The following ADAMTS19 variants were observed in gnomAD, a reference collection of about 807,000 sequenced individuals.
ADAMTS19 encodes A disintegrin and metalloproteinase with thrombospondin motifs 19.
A neutral mutation model predicts 153.3 loss-of-function variants in ADAMTS19; 93 were observed. That is an observed-to-expected ratio of 0.61 (90% CI 0.51 to 0.72). The LOEUF (loss-of-function observed/expected upper bound fraction) is 0.72, where lower values mean the gene tolerates loss of function less well. ADAMTS19 is among the 30% of genes least tolerant of loss of function. ADAMTS19 has a pLI of 0.00. For synonymous variants in ADAMTS19, 600 were observed against 556.6 expected (o/e 1.08, Z -1.10); for missense variants, 1,482 against 1,552.1 (o/e 0.95, Z 0.76).
chr5:129,527,849 T>A lies in ADAMTS19; in HGVS notation c.1170+18T>A. On this transcript the variant is annotated intron_variant, in intron 5 of 22. Coordinates refer to ENST00000274487, the MANE Select transcript of ADAMTS19 (RefSeq NM_133638.6). ...AAACTCCAGTAAGAAAGTCTTGAGT[T>A]TTTTATTAAATTAAATGGGGGAGAA... 1.3e-6 allele frequency: 2 copies of A among 1,509,248 alleles called. No individual in the cohort carries two copies. The highest frequency in any genetic ancestry group is 1.8e-6 in the Non-Finnish European group (2 of 1,095,140). 93.5% of individuals were successfully genotyped at this position (1,509,248 alleles called of 1,614,324 possible).
chr5:129,673,656 T>C (rs1403889415), intron 16 of ADAMTS19, among the ~76,000 whole-genome samples: 1 of 152,134 alleles, frequency 6.6e-6, no homozygotes, highest in Non-Finnish European at 1.5e-5. Context: ...TTTTATTTGG[T>C]TCTAGTCTTC....
At chr5:129,714,440 A>AAAAGAAAAAAAG (rs1756631072) in intron 21 of ADAMTS19, among the ~76,000 whole-genome samples, 1 of 149,122 alleles carries the variant, frequency 6.7e-6, no homozygotes, top group African/African-American at 2.5e-5. Flanking sequence ...AAAAAAAAAA[A>AAAAGAAAAAAAG]AAAGAAAAAT....
intron 18 of ADAMTS19, among the ~76,000 whole-genome samples, chr5:129,692,466 C>G (rs1287711248): frequency 1.3e-5 from 2 of 152,120 alleles, no homozygotes; most frequent in African/African-American, 4.8e-5. Context: ...CTTGACCTAC[C>G]AAGGAATAGC....
rs116066538 is a variant in ADAMTS19 at position 129,475,494 on chromosome 5, A to G, written c.747+13737A>G. On this transcript the variant is annotated intron_variant, in intron 2 of 22. Transcript: ENST00000274487. The stretch of plus-strand genomic sequence containing the variant: ...TTATGTAGCTTATAATATTTTTTGA[A>G]TTTGGGAAATTTAAGTCCTTTAATT... 3.6e-3 allele frequency among the ~76,000 whole-genome samples: 542 copies of G among 152,192 alleles called. 1 individual carries two copies. The highest frequency in any genetic ancestry group is 4.6e-3 in the Non-Finnish European group (313 of 67,996).
At chr5:129,730,780 A>T (rs1757407437) in intron 21 of ADAMTS19, among the ~76,000 whole-genome samples, 1 of 152,154 alleles carries the variant, frequency 6.6e-6, no homozygotes, top group Non-Finnish European at 1.5e-5. Flanking sequence ...CATTGTCTTT[A>T]AAGAAAAATC....
At chr5:129,504,872 G>GACACACACACAC (rs34742030) in intron 2 of ADAMTS19, among the ~76,000 whole-genome samples, 5,759 of 148,166 alleles carry the variant, frequency 0.039, 180 homozygotes, top group East Asian at 0.18. Flanking sequence ...CACACACACA[G>GACACACACACAC]ACACACACAC....
At chr5:129,661,954 CAG>C (rs1469621273) in intron 15 of ADAMTS19, among the ~76,000 whole-genome samples, 2 of 152,070 alleles carry the variant, frequency 1.3e-5, no homozygotes, top group Admixed American at 6.5e-5. Context: ...AGGAAGTGAA[CAG>C]GAGAAACAGA....
chr5:129,610,561 T>C (rs1291013244), intron 8 of ADAMTS19, among the ~76,000 whole-genome samples: 1 of 152,136 alleles, frequency 6.6e-6, no homozygotes, highest in African/African-American at 2.4e-5. Context: ...GTCCTTGCGA[T>C]AGTTTGCTGA....
rs150070535 is a variant in ADAMTS19, at chr5:129,497,773, T to C, written c.748-11304T>C. Among the ~76,000 whole-genome samples, 292 of 152,186 alleles carry C rather than the reference T, an allele frequency of 1.9e-3. 2 individuals are homozygous for C. Among genetic ancestry groups the C allele is most frequent in the African/African-American group, 6.2e-3 (257 of 41,556 alleles). On this transcript the variant is annotated intron_variant, in intron 2 of 22. Transcript: ENST00000274487. ...CAAAATAAATGTCAGATCTGTTTACTTTTTTCCACATCCTTAGTCCAGTCA... is the reference window on the plus strand; with the variant it reads ...CAAAATAAATGTCAGATCTGTTTACCTTTTTCCACATCCTTAGTCCAGTCA...
Position 129,704,222 on chromosome 5 carries a change from C to G in ADAMTS19, c.3160-17C>G. On this transcript the variant is annotated splice_polypyrimidine_tract_variant and intron_variant, in intron 20 of 22. Coordinates refer to ENST00000274487, the MANE Select transcript of ADAMTS19 (RefSeq NM_133638.6). The stretch of plus-strand genomic sequence containing the variant: ...AATTCACCAACTTTATCTAAAACCT[C>G]TGATGTTATCTTCCAGTGTTCAGTC... 3 of 1,608,474 alleles carry G rather than the reference C, an allele frequency of 1.9e-6. No homozygotes were observed. The highest frequency in any genetic ancestry group is 2.2e-5 in the East Asian group (1 of 44,772).
chr5:129,493,922 A>G (rs1025412419), intron 2 of ADAMTS19, among the ~76,000 whole-genome samples: 2 of 151,912 alleles, frequency 1.3e-5, no homozygotes, highest in African/African-American at 4.8e-5. Context: ...CATATTGTCT[A>G]TTTCATAAGA....
intron 3 of ADAMTS19, among the ~76,000 whole-genome samples, chr5:129,511,177 T>C (rs1252972472): frequency 6.6e-6 from 1 of 151,882 alleles, no homozygotes; most frequent in African/African-American, 2.4e-5. Flanking sequence ...CTCTGGAAAA[T>C]GAGATTATTA....
intron 16 of ADAMTS19, among the ~76,000 whole-genome samples, chr5:129,678,474 A>G (rs1370788283): frequency 6.6e-6 from 1 of 152,070 alleles, no homozygotes; most frequent in African/African-American, 2.4e-5. Context: ...GAGAACATAT[A>G]CATGTTGTTC....
intron 10 of ADAMTS19, among the ~76,000 whole-genome samples, chr5:129,626,055 C>A (rs1195494278): frequency 2.0e-5 from 3 of 151,972 alleles, no homozygotes; most frequent in Non-Finnish European, 2.9e-5. Context: ...TTCTTATAAC[C>A]ATTAAATACC....
At chr5:129,693,069 A>G (rs1197790133) in intron 18 of ADAMTS19, among the ~76,000 whole-genome samples, 4 of 152,218 alleles carry the variant, frequency 2.6e-5, no homozygotes, top group Non-Finnish European at 4.4e-5. Context: ...ATAACCACAG[A>G]ATTATTATTT....
At position 129,476,474 on chromosome 5, in the gene ADAMTS19, G is replaced by A. The variant is rs17165203; in HGVS notation, c.747+14717G>A. 6.3e-3 allele frequency among the ~76,000 whole-genome samples: 951 copies of A among 152,070 alleles called. 8 individuals are homozygous for A. Among genetic ancestry groups the A allele is most frequent in the African/African-American group, 0.021 (892 of 41,518 alleles). ...GGGTTCAAATCAAGCAAACAAATAC[G>A]GACAAATGAACAAAACCCAAACTAA... On this transcript the variant is annotated intron_variant, in intron 2 of 22. Coordinates refer to ENST00000274487, the MANE Select transcript of ADAMTS19 (RefSeq NM_133638.6).
chr5:129,657,487 C>T (rs1365663485), intron 14 of ADAMTS19, among the ~76,000 whole-genome samples: 2 of 152,126 alleles, frequency 1.3e-5, no homozygotes, highest in African/African-American at 2.4e-5. Context: ...CATACTAAAT[C>T]CTGCCCTTTG....
intron 2 of ADAMTS19, among the ~76,000 whole-genome samples, chr5:129,493,777 C>T (rs145871578): frequency 1.2e-4 from 19 of 152,178 alleles, no homozygotes; most frequent in African/African-American, 2.4e-4. Context: ...ATATTTTTAA[C>T]GTCTTGGCTG....
chr5:129,702,971 T>TATATATATATATATATATATATATATAC (rs1389589629), intron 20 of ADAMTS19, among the ~76,000 whole-genome samples: 4 of 129,812 alleles, frequency 3.1e-5, no homozygotes, highest in Non-Finnish European at 6.2e-5. Context: ...TATATATATA[T>TATATATATATATATATATATATATATAC]ACAAATACAT....
Sources: gnomAD v4.1 joint callset for allele counts (sites outside exome capture counted in the v4.1 genomes callset) on GRCh38, gnomAD v4.1.1 for gene constraint, MANE v1.5 for transcripts, NCBI Gene and HGNC (gene_info 2026-07-23, HGNC 2026-07-21) for gene names.